Variants in PCDH15 observed in about 807,000 individuals in gnomAD.
PCDH15 encodes protocadherin-15.
Under a neutral mutation model 178.5 loss-of-function variants are expected in PCDH15, and 129 were observed. That is an observed-to-expected ratio of 0.72 (90% CI 0.63 to 0.84). The LOEUF is 0.84. Ranked by LOEUF, PCDH15 falls within the 40% of genes least tolerant of loss-of-function variation. The pLI, the probability that PCDH15 is intolerant of heterozygous loss-of-function variation, is 0.00. For missense variants in PCDH15, 2,230 were observed against 2,099.9 expected (o/e 1.06, Z -1.21); for synonymous variants, 800 against 732.0 (o/e 1.09, Z -1.50).
intron 2 of PCDH15, among the ~76,000 whole-genome samples, chr10:54,930,109 C>T (rs1053233811): frequency 1.3e-5 from 2 of 152,168 alleles, no homozygotes; most frequent in Non-Finnish European, 1.5e-5. Flanking sequence ...GCATGTTCAA[C>T]ATGACATCTC....
At chr10:53,827,294 C>G in intron 32 of PCDH15, 99 bp downstream of exon 32, 1 of 1,396,766 alleles carries the variant, frequency 7.2e-7, no homozygotes, top group South Asian at 1.8e-5. Flanking sequence ...AATAAATAGT[C>G]CATGTAGGCA....
chr10:54,115,725 A>G (rs1027415336), intron 15 of PCDH15, among the ~76,000 whole-genome samples: 7 of 152,162 alleles, frequency 4.6e-5, no homozygotes, highest in Admixed American at 3.3e-4. Flanking sequence ...CCTCCCTTCA[A>G]TAGGAGTTGA....
chr10:54,959,141 GA>G (rs1235204927), intron 2 of PCDH15, among the ~76,000 whole-genome samples: 3 of 151,678 alleles, frequency 2.0e-5, no homozygotes, highest in Non-Finnish European at 4.4e-5. Context: ...AAGAGAAGGG[GA>G]AAAGGATGAA....
chr10:54,784,391 G>C (rs11004575), intron 1 of PCDH15, among the ~76,000 whole-genome samples: 45,234 of 150,492 alleles, frequency 0.3, 6,974 homozygotes, highest in Middle Eastern at 0.34. Flanking sequence ...ATTTTTACCA[G>C]ACTAAGAGCA....
chr10:54,744,827 C>T (rs979335771), intron 1 of PCDH15, among the ~76,000 whole-genome samples: 1 of 151,960 alleles, frequency 6.6e-6, no homozygotes, highest in Non-Finnish European at 1.5e-5. Context: ...CCGATTTAAG[C>T]AGCAATCCAC....
chr10:54,853,442 T>TATATATACACATACAC (rs1432766605), intron 3 of PCDH15, among the ~76,000 whole-genome samples: 267 of 81,024 alleles, frequency 3.3e-3, no homozygotes, highest in Non-Finnish European at 6.1e-3. Context: ...CACATACACA[T>TATATATACACATACAC]ATATATATAT....
chr10:54,719,123 T>A (rs2095515291), intron 1 of PCDH15, among the ~76,000 whole-genome samples: 2 of 138,704 alleles, frequency 1.4e-5, no homozygotes, highest in Non-Finnish European at 3.2e-5. Flanking sequence ...CACAAAGAAA[T>A]CAGAAGAACA....
Position 54,103,690 on chromosome 10 carries a change from C to A in PCDH15, c.1918-13627G>T, listed in dbSNP as rs376902394. On this transcript the variant is annotated intron_variant, in intron 15 of 37. Transcript: ENST00000644397. ...ACCAAGAGAGATCCGGCATTTCCAG[C>A]AAGCTCAGAGTTGGCTCTCTTTTAA... 7.2e-5 allele frequency among the ~76,000 whole-genome samples: 11 copies of A among 152,306 alleles called. No homozygotes were observed. The South Asian group carries it at 2.3e-3, about 32-fold the overall frequency.
rs113610681 is a variant in PCDH15 at position 54,494,800 on chromosome 10, G to A, written c.157+33012C>T. 1.7e-3 allele frequency among the ~76,000 whole-genome samples: 253 copies of A among 151,934 alleles called. 2 individuals carry two copies. Among genetic ancestry groups the A allele is most frequent in the Admixed American group, 4.5e-3 (68 of 15,210 alleles). ...AATCCAGATTCCTCTTTTTGACTTT[G>A]AAAATGAAGGCCACAGCCAAGGAAA... On this transcript the variant is annotated intron_variant, in intron 3 of 37. Coordinates refer to ENST00000644397, the MANE Select transcript of PCDH15 (RefSeq NM_001384140.1).
At chr10:55,099,472 A>G (rs938215780) in intron 2 of PCDH15, among the ~76,000 whole-genome samples, 8 of 152,092 alleles carry the variant, frequency 5.3e-5, no homozygotes, top group African/African-American at 1.7e-4. Flanking sequence ...TAATTATATA[A>G]TATGTCTCAT....
chr10:54,406,233 T>C (rs767707611), intron 3 of PCDH15, among the ~76,000 whole-genome samples: 1 of 152,120 alleles, frequency 6.6e-6, no homozygotes, highest in Non-Finnish European at 1.5e-5. Context: ...TATACCACAG[T>C]TAAATAAATG....
intron 5 of PCDH15, 26 bp downstream of exon 5, chr10:54,369,094 C>G (rs369578986): frequency 6.2e-7 from 1 of 1,610,850 alleles, no homozygotes; most frequent in Non-Finnish European, 8.5e-7. Context: ...ACAGAAAGGA[C>G]AGAGAGAGAG....
At chr10:54,921,335 T>A (rs1260882743) in intron 2 of PCDH15, among the ~76,000 whole-genome samples, 1 of 152,106 alleles carries the variant, frequency 6.6e-6, no homozygotes, top group African/African-American at 2.4e-5. Flanking sequence ...TTTTTTTTAC[T>A]TTTTAACTTT....
At chr10:55,276,107 A>C (rs188973519) in intron 1 of PCDH15, among the ~76,000 whole-genome samples, 45 of 151,222 alleles carry the variant, frequency 3.0e-4, no homozygotes, top group Admixed American at 1.5e-3. Flanking sequence ...AACTTAAAAA[A>C]ATTCGTATTA....
chr10:54,718,988 C>T (rs573967237), intron 1 of PCDH15, among the ~76,000 whole-genome samples: 32 of 151,926 alleles, frequency 2.1e-4, no homozygotes, highest in Non-Finnish European at 3.1e-4. Context: ...AGCCACTGCA[C>T]CCGGTCCACA....
intron 2 of PCDH15, among the ~76,000 whole-genome samples, chr10:55,554,295 A>G (rs1386423660): frequency 6.6e-6 from 1 of 152,078 alleles, no homozygotes; most frequent in East Asian, 1.9e-4. Context: ...GTATGGAAGA[A>G]TAGATGATAA....
At position 54,672,289 on chromosome 10, in the gene PCDH15, C is replaced by T. The variant is rs1202585102; in HGVS notation, c.-28-7999G>A. On this transcript the variant is annotated intron_variant, in intron 1 of 37. Coordinates refer to ENST00000644397, the MANE Select transcript of PCDH15 (RefSeq NM_001384140.1). ...CACCTAAATCATCCCAAACCACTCT[C>T]CTGCTCCCAGCCCCAGGTCGGTGGA... Among the ~76,000 whole-genome samples, 3 of 151,960 alleles carry T rather than the reference C, an allele frequency of 2.0e-5. No homozygotes were observed. In the East Asian group the frequency reaches 5.8e-4, roughly 29 times the overall value.
At chr10:54,145,756 A>G (rs2043844403) in intron 14 of PCDH15, among the ~76,000 whole-genome samples, 1 of 152,118 alleles carries the variant, frequency 6.6e-6, no homozygotes. Context: ...GAGTTAAGGT[A>G]CAGAGGTGGG....
At chr10:54,891,267 A>G (rs1954456688) in intron 3 of PCDH15, among the ~76,000 whole-genome samples, 1 of 152,126 alleles carries the variant, frequency 6.6e-6, no homozygotes, top group African/African-American at 2.4e-5. Flanking sequence ...GAGAGAAAAA[A>G]TAGGCAAATT....
Sources: gnomAD v4.1 joint callset for allele counts (sites outside exome capture counted in the v4.1 genomes callset) on GRCh38, gnomAD v4.1.1 for gene constraint, MANE v1.5 for transcripts, NCBI Gene and HGNC (gene_info 2026-07-23, HGNC 2026-07-21) for gene names.